The following AGMO variants were observed in gnomAD, a reference collection of about 807,000 sequenced individuals.
AGMO encodes alkylglycerol monooxygenase, also known as glyceryl-ether monooxygenase.
Under a neutral mutation model 60.2 loss-of-function variants are expected in AGMO, and 75 were observed. The ratio of observed to expected loss-of-function variants is 1.25; its 90% CI spans 1.03 to 1.51. The LOEUF is 1.51. Ranked by LOEUF, AGMO falls within the 40% of genes most tolerant of loss-of-function variation. The pLI, the probability that AGMO is intolerant of heterozygous loss-of-function variation, is 0.00. For synonymous variants in AGMO, 261 were observed against 177.1 expected (o/e 1.47, Z -3.76); for missense variants, 763 against 525.5 (o/e 1.45, Z -4.42).
intron 12 of AGMO, among the ~76,000 whole-genome samples, chr7:15,258,652 G>C (rs1235435216): frequency 1.3e-5 from 2 of 152,160 alleles, no homozygotes; most frequent in East Asian, 3.9e-4. Flanking sequence ...ACACAACCTA[G>C]GACCCTCACA....
At chr7:15,548,532 G>C (rs1393171842) in intron 2 of AGMO, among the ~76,000 whole-genome samples, 10 of 152,206 alleles carry the variant, frequency 6.6e-5, no homozygotes, top group Non-Finnish European at 1.2e-4. Flanking sequence ...GAAGGCTCAG[G>C]AGCCGATGTG....
intron 3 of AGMO, among the ~76,000 whole-genome samples, chr7:15,534,578 C>T (rs975270273): frequency 2.0e-5 from 3 of 151,818 alleles, no homozygotes; most frequent in African/African-American, 4.8e-5. Flanking sequence ...ACAACTAAAA[C>T]GTTCATTTTC....
intron 12 of AGMO, among the ~76,000 whole-genome samples, chr7:15,278,750 C>A (rs953165120): frequency 6.6e-6 from 1 of 152,186 alleles, no homozygotes; most frequent in Non-Finnish European, 1.5e-5. Flanking sequence ...TCCAGGGCAG[C>A]CGGGGCAGTG....
At chr7:15,126,548 T>C in the AGMO span, among the ~76,000 whole-genome samples, 1 of 152,078 alleles carries the variant, frequency 6.6e-6, no homozygotes, top group Non-Finnish European at 1.5e-5. Context: ...TCTGATTTTT[T>C]TATAATCTTG....
rs1164223119 is a variant in AGMO at position 15,394,331 on chromosome 7, G to A, written c.610-152C>T. The A allele has an allele frequency of 4.8e-6, 3 of 629,220 alleles. No homozygotes were observed. The East Asian group carries it at 8.1e-5, about 17-fold the overall frequency. 39.0% of individuals were successfully genotyped at this position (629,220 alleles called of 1,614,324 possible). ...GTGGAAAAAAGTTCCACTGAAATCT[G>A]GAATTCATATAAAGACAATAGTAAT... is the stretch of plus-strand genomic sequence containing the variant. On this transcript the variant is annotated intron_variant, in intron 5 of 12. Transcript: ENST00000342526.
the AGMO span, among the ~76,000 whole-genome samples, chr7:15,174,109 A>C: frequency 6.6e-6 from 1 of 151,996 alleles, no homozygotes; most frequent in African/African-American, 2.4e-5. Flanking sequence ...GGGACTTGGT[A>C]ATTTCTTTTT....
chr7:15,133,126 G>C, the AGMO span, among the ~76,000 whole-genome samples: 1 of 152,154 alleles, frequency 6.6e-6, no homozygotes, highest in African/African-American at 2.4e-5. Context: ...TGTCAAATTA[G>C]CTATTTAGCT....
At chr7:15,324,797 G>A (rs574733674) in intron 12 of AGMO, among the ~76,000 whole-genome samples, 4 of 152,122 alleles carry the variant, frequency 2.6e-5, no homozygotes, top group South Asian at 2.1e-4. Flanking sequence ...AATAGAGTTC[G>A]AGCTCCCATG....
At chr7:15,266,745 T>G (rs140691957) in intron 12 of AGMO, among the ~76,000 whole-genome samples, 8 of 152,040 alleles carry the variant, frequency 5.3e-5, no homozygotes, top group African/African-American at 1.4e-4. Context: ...TATTTCTATA[T>G]TCTTATTTTA....
At chr7:15,277,038 T>G (rs1455583827) in intron 12 of AGMO, among the ~76,000 whole-genome samples, 2 of 152,062 alleles carry the variant, frequency 1.3e-5, no homozygotes, top group Admixed American at 1.3e-4. Context: ...CTGGGTGTGG[T>G]GGCGCACACC....
chr7:15,426,886 T>C (rs12531410), intron 4 of AGMO, among the ~76,000 whole-genome samples: 14,467 of 151,984 alleles, frequency 0.095, 788 homozygotes, highest in South Asian at 0.15. Context: ...AATCGTTAAA[T>C]TGGAGATGGG....
chr7:15,167,547 C>T, the AGMO span, among the ~76,000 whole-genome samples: 3 of 152,260 alleles, frequency 2.0e-5, no homozygotes, highest in East Asian at 1.9e-4. Context: ...AAAAATATCA[C>T]GGAACATTTT....
chr7:15,192,890 A>T, the AGMO span, among the ~76,000 whole-genome samples: 1 of 152,154 alleles, frequency 6.6e-6, no homozygotes, highest in Non-Finnish European at 1.5e-5. Context: ...CACCAAAGCA[A>T]ATTTTTAAAA....
chr7:15,215,954 G>A (rs1781725614), intron 12 of AGMO, among the ~76,000 whole-genome samples: 1 of 152,062 alleles, frequency 6.6e-6, no homozygotes, highest in Admixed American at 6.6e-5. Flanking sequence ...CGGCTTCACA[G>A]TATTTATTTC....
In AGMO at chr7:15,338,857, G is replaced by A. The variant is rs560538072; in HGVS notation, c.1263+26657C>T. Among the ~76,000 whole-genome samples, 33 of 152,190 alleles carry A rather than the reference G, an allele frequency of 2.2e-4. No homozygotes were observed. The South Asian group carries it at 6.4e-3, about 30-fold the overall frequency. ...CACTCATCAAAATAAAAACTACCCA[G>A]TGTCTTTATATGTTTAACTGTAAAA... On this transcript the variant is annotated intron_variant, in intron 12 of 12. Coordinates refer to ENST00000342526, the MANE Select transcript of AGMO (RefSeq NM_001004320.2).
intron 3 of AGMO, among the ~76,000 whole-genome samples, chr7:15,544,512 T>C (rs1291807926): frequency 3.9e-5 from 6 of 152,172 alleles, no homozygotes; most frequent in African/African-American, 1.4e-4. Flanking sequence ...AATACAATGC[T>C]ATAGCCACCA....
chr7:15,240,936 T>C (rs574739152), intron 12 of AGMO, among the ~76,000 whole-genome samples: 2 of 152,302 alleles, frequency 1.3e-5, no homozygotes, highest in South Asian at 4.1e-4. Flanking sequence ...TTGTAAATAG[T>C]GAAAGCAAAA....
At chr7:15,349,942 G>A (rs958074733) in intron 12 of AGMO, among the ~76,000 whole-genome samples, 1 of 152,150 alleles carries the variant, frequency 6.6e-6, no homozygotes, top group African/African-American at 2.4e-5. Flanking sequence ...AATTCAGGAT[G>A]AGACTTGGGT....
rs1231520608 is a variant in AGMO at position 15,356,417 on chromosome 7, T to C, written c.1263+9097A>G. Among the ~76,000 whole-genome samples the C allele has an allele frequency of 2.0e-5, 3 of 152,278 alleles. No individual in the cohort carries two copies. The East Asian group carries it at 5.8e-4, about 29-fold the overall frequency. On this transcript the variant is annotated intron_variant, in intron 12 of 12. Transcript: ENST00000342526. Reference sequence around the variant, plus strand: ...AAAATAAACATTTTTGCAGAAATTTTATATAGCATAGGAAACTATATATAA... The same window carrying C: ...AAAATAAACATTTTTGCAGAAATTTCATATAGCATAGGAAACTATATATAA...
Sources: gnomAD v4.1 joint callset for allele counts (sites outside exome capture counted in the v4.1 genomes callset) on GRCh38, gnomAD v4.1.1 for gene constraint, MANE v1.5 for transcripts, NCBI Gene and HGNC (gene_info 2026-07-23, HGNC 2026-07-21) for gene names.